UBR4: variants seen among roughly 807,000 people sequenced by gnomAD.
UBR4 encodes ubiquitin protein ligase E3 component n-recognin 4, also known as E3 ubiquitin-protein ligase UBR4.
UBR4 carries 124 observed loss-of-function variants against 575.6 expected under a neutral mutation model. That is an observed-to-expected ratio of 0.22 (90% confidence interval 0.19 to 0.25). The LOEUF is 0.25. Ranked by LOEUF, UBR4 falls within the 10% of genes least tolerant of loss-of-function variation. The probability of loss-of-function intolerance (pLI) is 1.00; values close to 1 mark genes in which losing one functional copy is unlikely to be tolerated. For missense variants in UBR4, 4,818 were observed against 6,478.8 expected, an observed-to-expected ratio of 0.74 and a Z score of 8.80; for synonymous variants, 2,455 against 2,473.7, an observed-to-expected ratio of 0.99 and a Z score of 0.22.
intron 49 of UBR4, among the ~76,000 whole-genome samples, chr1:19,149,607 A>T (rs567962680): frequency 5.7e-4 from 87 of 152,250 alleles, no homozygotes; most frequent in Admixed American, 2.5e-3. Context: ...CTCCATTTTT[A>T]CACATGGACA....
At position 19,168,127 on chromosome 1, in the gene UBR4, C is replaced by T; in HGVS notation, c.3799G>A (p.Ala1267Thr). 3 of 1,612,646 alleles carry T rather than the reference C, an allele frequency of 1.9e-6. No homozygotes were observed. The highest frequency in any genetic ancestry group is 2.5e-6 in the Non-Finnish European group (3 of 1,178,892). Reference sequence around the variant, plus strand: ...CTACAGAGAGTCCCCAGGTGTGCAGCCTGCACTGCACTAATATAACTCTCT... The same window carrying T: ...CTACAGAGAGTCCCCAGGTGTGCAGTCTGCACTGCACTAATATAACTCTCT... ...PSESYISAVQ[A>T]AHLGTLCSQS... The change falls in exon 28 of 106, where the codon GCT becomes ACT. Residue 1267 changes from alanine (A) to threonine (T), a missense_variant. By Grantham distance (58) the Ala-to-Thr change is moderately conservative (BLOSUM62 0). Coordinates refer to ENST00000375254, the MANE Select transcript of UBR4 (RefSeq NM_020765.3).
At chr1:19,138,252 A>C in intron 59 of UBR4, 71 bp from the exon 60 acceptor site, 1 of 1,402,812 alleles carries the variant, frequency 7.1e-7, no homozygotes, top group Non-Finnish European at 9.4e-7. Flanking sequence ...ATTCTAAAGC[A>C]GCAGCAATAG....
At chr1:19,140,993 T>C (rs995789346) in intron 57 of UBR4, 101 bp from the exon 58 acceptor site, 12 of 1,250,420 alleles carry the variant, frequency 9.6e-6, no homozygotes, top group East Asian at 7.6e-5. Flanking sequence ...AACACCAGCA[T>C]GTGACCCCCT....
intron 59 of UBR4, among the ~76,000 whole-genome samples, 162 bp downstream of exon 59, chr1:19,138,920 TG>T (rs1230997783): frequency 4.6e-5 from 7 of 152,170 alleles, no homozygotes; most frequent in African/African-American, 1.4e-4. Flanking sequence ...ACTCGAAAAC[TG>T]AGGCCAAATG....
At chr1:19,144,648 GC>G in intron 54 of UBR4, 137 bp downstream of exon 54, 1 of 1,254,404 alleles carries the variant, frequency 8.0e-7, no homozygotes, top group Non-Finnish European at 1.1e-6. Flanking sequence ...AGATCTTAAA[GC>G]TTTTATTGAT....
At chr1:19,092,755 A>C (rs938787823) in intron 97 of UBR4, 64 bp downstream of exon 97, 1 of 1,361,768 alleles carries the variant, frequency 7.3e-7, no homozygotes, top group Non-Finnish European at 1.0e-6. Context: ...TCATGTCTCA[A>C]GGTAAACTAG....
chr1:19,208,466 C>CAAAAAAAAA (rs71030137), intron 1 of UBR4, among the ~76,000 whole-genome samples: 2 of 76,892 alleles, frequency 2.6e-5, no homozygotes, highest in African/African-American at 8.7e-5. Context: ...GAATCCATCT[C>CAAAAAAAAA]AAAAAAAAAA....
chr1:19,112,484 T>C lies in UBR4; in HGVS notation c.11801+40A>G, dbSNP rs201604854. 7.6e-4 allele frequency: 1,194 copies of C among 1,561,032 alleles called. 7 individuals are homozygous for C. The African/African-American group carries it at 0.014, about 18-fold the overall frequency. On this transcript the variant is annotated intron_variant, in intron 78 of 105. Transcript: ENST00000375254. ...CTCCTGGCATGGCTGCCAGTGTCAG[T>C]AGGAACCACTAGGCCCATAACCATG...
rs1395677373 is a variant in UBR4, at chr1:19,093,222, ACGTGAAGC to A, written c.14111+83_14111+90del. 32 of 1,507,894 alleles carry A rather than the reference ACGTGAAGC, an allele frequency of 2.1e-5. No individual in the cohort carries two copies. In the Admixed American group the frequency reaches 5.9e-4, roughly 28 times the overall value. 93.4% of individuals were successfully genotyped at this position (1,507,894 alleles called of 1,614,324 possible). A position where few individuals can be genotyped will look rare whatever the true frequency, so the allele number is the denominator to read the frequency against. On this transcript the variant is annotated intron_variant, in intron 96 of 105. Coordinates refer to ENST00000375254, the MANE Select transcript of UBR4 (RefSeq NM_020765.3). The surrounding 1 kb of genome is among the most constrained non-coding windows in gnomAD (Gnocchi z 4.8). ...AGGCCCCAAGGAGGGCAAGGGGCAC[ACGTGAAGC>A]TTTATGCCAAGATGCTGATGGAGAA...
At position 19,093,820 on chromosome 1, in the gene UBR4, C is replaced by G. The variant is rs184263396; in HGVS notation, c.13937+129G>C. On this transcript the variant is annotated intron_variant, in intron 95 of 105. Transcript: ENST00000375254. The surrounding 1 kb of genome is among the most constrained non-coding windows in gnomAD (Gnocchi z 4.8). ...CTATTCACTTCCCAACTAGACTGAG[C>G]TCCTTAAAAGCCAGAACGAGGACAC... 1 of 1,086,314 alleles carries G rather than the reference C, an allele frequency of 9.2e-7. No individual in the cohort carries two copies. Among genetic ancestry groups the G allele is most frequent in the African/African-American group, 1.6e-5 (1 of 62,744 alleles). The allele number at this position is 1,086,314 out of a possible 1,614,324, so 67.3% of individuals were successfully genotyped here. A position where few individuals can be genotyped will look rare whatever the true frequency, so the allele number is the denominator to read the frequency against.
intron 83 of UBR4, 114 bp downstream of exon 83, chr1:19,106,455 A>G: frequency 7.5e-7 from 1 of 1,340,978 alleles, no homozygotes; most frequent in Non-Finnish European, 9.9e-7. Flanking sequence ...AAGCAAGAAG[A>G]GCAAAGAGAA....
chr1:19,152,425 T>C lies in UBR4; in HGVS notation c.6884A>G (p.Asn2295Ser), dbSNP rs767489491. The change falls in exon 47 of 106, where the codon AAC (asparagine) becomes AGC (serine). Residue 2295 changes from asparagine to serine, a missense_variant. Physicochemically the swap from Asn to Ser is conservative, Grantham distance 46 (BLOSUM62 1). This residue lies in a region of UBR4 where 461 missense variants were observed against 606.9 expected (regional missense o/e 0.76). Coordinates refer to ENST00000375254, the MANE Select transcript of UBR4 (RefSeq NM_020765.3). The surrounding 1 kb of genome is among the most constrained non-coding windows in gnomAD (Gnocchi z 4.4). ...VTFPIDFFEHNQQLTDVEFGG... is the reference protein window; with the variant it reads ...VTFPIDFFEHSQQLTDVEFGG... Reference sequence around the variant, plus strand: ...AAACTCCACATCTGTCAGCTGCTGGTTGTGTTCAAAAAAGTCAATGGGGAA... The same window carrying C: ...AAACTCCACATCTGTCAGCTGCTGGCTGTGTTCAAAAAAGTCAATGGGGAA... The C allele has an allele frequency of 1.9e-6, 3 of 1,613,774 alleles. No homozygotes were observed. Among genetic ancestry groups the C allele is most frequent in the Admixed American group, 1.7e-5 (1 of 59,972 alleles).
chr1:19,130,006 C>A (rs2082252775), intron 60 of UBR4, among the ~76,000 whole-genome samples: 1 of 151,842 alleles, frequency 6.6e-6, no homozygotes, highest in Admixed American at 6.5e-5. Context: ...TTGTCTTTTT[C>A]TTTTCTTAAA....
At chr1:19,186,491 G>T in intron 14 of UBR4, 49 bp downstream of exon 14, 1 of 1,551,714 alleles carries the variant, frequency 6.4e-7, no homozygotes, top group Non-Finnish European at 8.9e-7. Flanking sequence ...GAACACTCCT[G>T]TTGCACTCTA....
intron 50 of UBR4, 66 bp from the exon 51 acceptor site, chr1:19,148,193 C>T (rs2150181865): frequency 6.5e-7 from 1 of 1,528,030 alleles, no homozygotes; most frequent in African/African-American, 1.4e-5. Context: ...ACTATCTACA[C>T]TCTGCCTGCC....
intron 17 of UBR4, among the ~76,000 whole-genome samples, chr1:19,182,876 C>G (rs2091138816): frequency 1.3e-5 from 2 of 151,972 alleles, no homozygotes; most frequent in South Asian, 4.1e-4. Flanking sequence ...ATTATTAAAA[C>G]TTTTTTTAAA....
chr1:19,103,125 A>G (rs1449603890), intron 87 of UBR4, among the ~76,000 whole-genome samples: 2 of 152,252 alleles, frequency 1.3e-5, no homozygotes, highest in African/African-American at 2.4e-5. Flanking sequence ...ATGAGGTCAC[A>G]GTCAAAACTC....
intron 102 of UBR4, 51 bp downstream of exon 102, chr1:19,084,453 G>C: frequency 6.5e-7 from 1 of 1,537,202 alleles, no homozygotes; most frequent in Non-Finnish European, 8.9e-7. Context: ...TCGGGCAGAG[G>C]GATGCAGGGT....
intron 20 of UBR4, among the ~76,000 whole-genome samples, chr1:19,175,733 A>G (rs2090173525): frequency 6.6e-6 from 1 of 152,180 alleles, no homozygotes; most frequent in African/African-American, 2.4e-5. Context: ...AAGAATCCAT[A>G]TACTGTACCC....
Sources: allele counts gnomAD v4.1 joint callset (sites outside exome capture counted in the v4.1 genomes callset), GRCh38; gene constraint gnomAD v4.1.1; regional missense constraint gnomAD v4.1.1; non-coding constraint Gnocchi (gnomAD v3.1); transcripts MANE v1.5; gene names NCBI Gene and HGNC (gene_info 2026-07-23, HGNC 2026-07-21).